The following RBFOX1 variants were observed in gnomAD, a reference collection of about 807,000 sequenced individuals.
The protein encoded by RBFOX1 is RNA binding fox-1 homolog 1.
RBFOX1 carries 8 observed loss-of-function variants against 57.7 expected under a neutral mutation model. The observed-to-expected ratio is 0.14, with a 90% CI of 0.08 to 0.25. The LOEUF (loss-of-function observed/expected upper bound fraction) is 0.25, where lower values mean the gene tolerates loss of function less well. RBFOX1 is among the 10% of genes least tolerant of loss of function. The pLI is 1.00. For missense variants in RBFOX1, 611 were observed against 548.5 expected (o/e 1.11, Z -1.14); for synonymous variants, 326 against 222.4 (o/e 1.47, Z -4.15).
intron 3 of RBFOX1, among the ~76,000 whole-genome samples, chr16:5,745,894 T>C (rs927111588): frequency 6.6e-6 from 1 of 152,216 alleles, no homozygotes; most frequent in African/African-American, 2.4e-5. Flanking sequence ...AGGTTGCCTA[T>C]TGACTCTGAT....
intron 4 of RBFOX1, among the ~76,000 whole-genome samples, chr16:7,342,520 C>G (rs1299278223): frequency 3.3e-5 from 5 of 152,172 alleles, no homozygotes; most frequent in Admixed American, 6.5e-5. Flanking sequence ...TTGGTTTGTT[C>G]ATGATTTCTG....
In RBFOX1 at chr16:5,946,694, G is replaced by A. The variant is rs926818201; in HGVS notation, c.351+79359G>A. ...AGAATCTCTGATTTATAACCAGATG[G>A]TGAGAAGGGAAGTACAGGCTTGCTC... On this transcript the variant is annotated intron_variant, in intron 4 of 19. Coordinates refer to the RBFOX1 transcript ENST00000641259. The surrounding 1 kb of genome is among the most constrained non-coding windows in gnomAD (Gnocchi z 4.6). Among the ~76,000 whole-genome samples the A allele has an allele frequency of 6.6e-6, 1 of 152,204 alleles. No individual in the cohort carries two copies. Among genetic ancestry groups the A allele is most frequent in the Non-Finnish European group, 1.5e-5 (1 of 68,050 alleles).
intron 3 of RBFOX1, among the ~76,000 whole-genome samples, chr16:6,823,182 T>G (rs543018400): frequency 1.3e-5 from 2 of 152,258 alleles, no homozygotes; most frequent in South Asian, 2.1e-4. Flanking sequence ...AGGGAGCCTG[T>G]GTTCCTTCTT....
chr16:7,394,766 A>G (rs540607177), intron 4 of RBFOX1, among the ~76,000 whole-genome samples: 1 of 152,160 alleles, frequency 6.6e-6, no homozygotes, highest in Non-Finnish European at 1.5e-5. Flanking sequence ...CATCCAGGCA[A>G]GTCACTCTTT....
intron 4 of RBFOX1, among the ~76,000 whole-genome samples, chr16:7,386,167 A>G (rs1316724767): frequency 6.6e-6 from 1 of 152,042 alleles, no homozygotes; most frequent in Non-Finnish European, 1.5e-5. Context: ...CCTCAGAGAT[A>G]TCAGATGTAG....
At chr16:6,680,294 T>TTTTTTTA (rs60731674) in intron 3 of RBFOX1, among the ~76,000 whole-genome samples, 1 of 103,056 alleles carries the variant, frequency 9.7e-6, no homozygotes, top group African/African-American at 3.6e-5. Context: ...TTTTTTTTTT[T>TTTTTTTA]ATTTGTCGCC....
chr16:6,247,064 C>G (rs1458256845), intron 1 of RBFOX1, among the ~76,000 whole-genome samples: 1 of 152,146 alleles, frequency 6.6e-6, no homozygotes. Context: ...GAGTGGAACT[C>G]CATCTCAAAC....
chr16:5,827,375 G>A (rs2056098265), intron 3 of RBFOX1, among the ~76,000 whole-genome samples: 1 of 143,330 alleles, frequency 7.0e-6, no homozygotes, highest in Admixed American at 7.2e-5. Context: ...ACTCCAACCT[G>A]GATGACAGAG....
chr16:7,122,252 G>C (rs2067355723), intron 4 of RBFOX1, among the ~76,000 whole-genome samples: 1 of 152,046 alleles, frequency 6.6e-6, no homozygotes, highest in Non-Finnish European at 1.5e-5. Context: ...AACCACTCTT[G>C]ACAAATGTTC....
intron 2 of RBFOX1, among the ~76,000 whole-genome samples, chr16:6,403,609 C>T (rs190777027): frequency 2.0e-5 from 3 of 152,148 alleles, no homozygotes; most frequent in Non-Finnish European, 2.9e-5. Context: ...CCTGTCTTGA[C>T]CTCCCAAAAT....
chr16:6,851,108 C>T (rs2094035528), intron 3 of RBFOX1, among the ~76,000 whole-genome samples: 1 of 152,070 alleles, frequency 6.6e-6, no homozygotes, highest in South Asian at 2.1e-4. Context: ...AGTTTCACTC[C>T]CTTGTGGTGA....
chr16:7,095,116 T>C (rs73542411), intron 4 of RBFOX1, among the ~76,000 whole-genome samples: 39,179 of 152,064 alleles, frequency 0.26, 5,159 homozygotes, highest in East Asian at 0.33. Flanking sequence ...TTCTTTCTTT[T>C]TTCTTTTTCT....
rs1417382975 is a variant in RBFOX1, at chr16:6,478,280, T to C, written c.-64+161223T>C. On this transcript the variant is annotated intron_variant, in intron 2 of 15. Transcript: ENST00000550418. ...AGCTGTCACCTGGGCTGGAGTGCAG[T>C]GGCGTGATCTCAGCTTACTGCAACC... Among the ~76,000 whole-genome samples the C allele has an allele frequency of 2.1e-5, 3 of 143,866 alleles. No individual in the cohort carries two copies. The East Asian group carries it at 6.0e-4, about 29-fold the overall frequency. 94.4% of individuals were successfully genotyped at this position (143,866 alleles called of 152,430 possible).
chr16:5,470,402 C>G (rs1179866667), intron 2 of RBFOX1, among the ~76,000 whole-genome samples: 1 of 152,218 alleles, frequency 6.6e-6, no homozygotes, highest in Non-Finnish European at 1.5e-5. Flanking sequence ...GTTGGGAAGT[C>G]TGTGCAGTTT....
intron 2 of RBFOX1, among the ~76,000 whole-genome samples, chr16:5,592,651 T>G (rs1331984158): frequency 2.0e-5 from 3 of 152,202 alleles, no homozygotes; most frequent in Non-Finnish European, 4.4e-5. Flanking sequence ...TTTTATTATG[T>G]TAAGTCCTCT....
intron 1 of RBFOX1, among the ~76,000 whole-genome samples, chr16:5,408,160 G>C (rs953923048): frequency 6.6e-6 from 1 of 152,136 alleles, no homozygotes; most frequent in Non-Finnish European, 1.5e-5. Flanking sequence ...TCAGCTGCTC[G>C]TGGTGTTTGA....
At chr16:6,031,435 T>A (rs1476218759) in intron 1 of RBFOX1, among the ~76,000 whole-genome samples, 1 of 152,222 alleles carries the variant, frequency 6.6e-6, no homozygotes, top group African/African-American at 2.4e-5. Flanking sequence ...AGATCTTAAC[T>A]AGTACCATCC....
chr16:5,549,213 C>G (rs2045356091), intron 2 of RBFOX1, among the ~76,000 whole-genome samples: 1 of 152,140 alleles, frequency 6.6e-6, no homozygotes, highest in Admixed American at 6.5e-5. Context: ...TGAGAAGGAG[C>G]TGAAATGCGG....
At chr16:7,355,514 C>G (rs374335635) in intron 4 of RBFOX1, among the ~76,000 whole-genome samples, 3 of 152,212 alleles carry the variant, frequency 2.0e-5, no homozygotes, top group South Asian at 4.1e-4. Context: ...GGTATGTGTA[C>G]AAGGACACCA....
Sources: allele counts gnomAD v4.1 joint callset (sites outside exome capture counted in the v4.1 genomes callset), GRCh38; gene constraint gnomAD v4.1.1; non-coding constraint Gnocchi (gnomAD v3.1); transcripts MANE v1.5; gene names NCBI Gene and HGNC (gene_info 2026-07-23, HGNC 2026-07-21).